The following DSCAM variants were observed in gnomAD, a reference collection of about 807,000 sequenced individuals.
DSCAM encodes the protein DS cell adhesion molecule, also known as cell adhesion molecule DSCAM.
A neutral mutation model predicts 217.7 loss-of-function variants in DSCAM; 47 were observed. The observed-to-expected ratio is 0.22, with a 90% CI of 0.17 to 0.28. The LOEUF (loss-of-function observed/expected upper bound fraction) is 0.28, where lower values mean the gene tolerates loss of function less well. Ranked by LOEUF, DSCAM falls within the 10% of genes least tolerant of loss-of-function variation. The probability of loss-of-function intolerance (pLI) is 1.00; values close to 1 mark genes in which losing one functional copy is unlikely to be tolerated. For synonymous variants in DSCAM, 1,056 were observed against 1,015.3 expected (o/e 1.04, Z -0.76); for missense variants, 2,080 against 2,618.3 (o/e 0.79, Z 4.49).
intron 4 of DSCAM, among the ~76,000 whole-genome samples, chr21:40,361,090 C>A (rs892050357): frequency 4.0e-5 from 6 of 151,654 alleles, no homozygotes; most frequent in Non-Finnish European, 7.4e-5. Flanking sequence ...TCATTTTCAT[C>A]CCCTTCAAAT....
chr21:40,805,959 C>T (rs1208043140), intron 1 of DSCAM, among the ~76,000 whole-genome samples: 3 of 152,104 alleles, frequency 2.0e-5, no homozygotes, highest in South Asian at 2.1e-4. Flanking sequence ...CTGCCCGCCT[C>T]GGCCTCCCAA....
intron 8 of DSCAM, among the ~76,000 whole-genome samples, chr21:40,320,231 G>A (rs1036577162): frequency 2.0e-5 from 3 of 152,062 alleles, no homozygotes; most frequent in Non-Finnish European, 2.9e-5. Context: ...CATTATGTCC[G>A]CTATAGTTAC....
intron 3 of DSCAM, among the ~76,000 whole-genome samples, chr21:40,654,455 C>T (rs966877220): frequency 2.0e-5 from 3 of 152,194 alleles, no homozygotes; most frequent in African/African-American, 7.2e-5. Flanking sequence ...ATTTTTACAG[C>T]TGCGGTAACA....
rs2089722347 is a variant in DSCAM, at chr21:40,633,799, T to A, written c.508+59011A>T. Among the ~76,000 whole-genome samples the A allele has an allele frequency of 2.0e-5, 3 of 152,162 alleles. No individual in the cohort carries two copies. In the South Asian group the frequency reaches 6.2e-4, roughly 32 times the overall value. On this transcript the variant is annotated intron_variant, in intron 3 of 32. Transcript: ENST00000400454. ...AATTTTGAGAGCGTGTTCAATGGTG[T>A]AAGATGCTTGGATGTGTGTAACTTG...
chr21:40,342,470 T>C (rs1052682428), intron 6 of DSCAM, among the ~76,000 whole-genome samples: 1 of 151,754 alleles, frequency 6.6e-6, no homozygotes, highest in East Asian at 1.9e-4. Flanking sequence ...TTATACTTTA[T>C]ATTCAATTCT....
At chr21:40,441,251 C>T (rs146073364) in intron 3 of DSCAM, among the ~76,000 whole-genome samples, 167 of 152,260 alleles carry the variant, frequency 1.1e-3, no homozygotes, top group African/African-American at 3.9e-3. Context: ...AAGACAGAGC[C>T]TTGTTGTTTA....
intron 1 of DSCAM, among the ~76,000 whole-genome samples, chr21:40,804,539 C>G (rs937594252): frequency 1.3e-5 from 2 of 152,106 alleles, no homozygotes; most frequent in African/African-American, 4.8e-5. Context: ...TCCCAGCACA[C>G]CTTCCTGGAG....
At chr21:40,680,822 C>T (rs1241528716) in intron 3 of DSCAM, among the ~76,000 whole-genome samples, 2 of 152,070 alleles carry the variant, frequency 1.3e-5, no homozygotes, top group Non-Finnish European at 1.5e-5. Flanking sequence ...GTTTCAACCA[C>T]AGGTGACGAT....
chr21:40,198,347 G>T (rs73904738), intron 11 of DSCAM, among the ~76,000 whole-genome samples: 8,782 of 152,052 alleles, frequency 0.058, 583 homozygotes, highest in African/African-American at 0.17. Flanking sequence ...TGGTGATACT[G>T]GCTGGTCAAG....
At chr21:40,489,198 C>T (rs1015822027) in intron 3 of DSCAM, among the ~76,000 whole-genome samples, 2 of 152,218 alleles carry the variant, frequency 1.3e-5, no homozygotes, top group Non-Finnish European at 2.9e-5. Context: ...AGTCAGTGGA[C>T]TCTGAGCAAA....
intron 1 of DSCAM, among the ~76,000 whole-genome samples, chr21:40,720,597 T>C (rs1472147124): frequency 2.0e-5 from 3 of 151,726 alleles, no homozygotes; most frequent in Admixed American, 6.6e-5. Context: ...TCTCTGTCCA[T>C]CATAAAACAA....
intron 2 of DSCAM, among the ~76,000 whole-genome samples, chr21:40,698,263 C>T (rs569167828): frequency 1.3e-5 from 2 of 152,236 alleles, no homozygotes; most frequent in East Asian, 3.9e-4. Flanking sequence ...TGGCAGCCAG[C>T]CTGCAGATGT....
At chr21:40,133,255 T>C (rs932398334) in intron 19 of DSCAM, among the ~76,000 whole-genome samples, 3 of 152,204 alleles carry the variant, frequency 2.0e-5, no homozygotes, top group Admixed American at 6.5e-5. Context: ...GTTTGGGTAA[T>C]AGTCACAACC....
intron 10 of DSCAM, among the ~76,000 whole-genome samples, chr21:40,277,170 T>C (rs717416): frequency 0.35 from 53,587 of 151,688 alleles, 9,793 homozygotes; most frequent in Admixed American, 0.41. Context: ...ATCTGGGGAC[T>C]TGAGGGGAAA....
intron 11 of DSCAM, among the ~76,000 whole-genome samples, chr21:40,210,642 T>G (rs142908357): frequency 0.013 from 2,030 of 152,344 alleles, 43 homozygotes; most frequent in African/African-American, 0.045. Context: ...CCTCCCAAGT[T>G]CAAATGATTC....
intron 20 of DSCAM, among the ~76,000 whole-genome samples, chr21:40,106,236 A>G (rs1169746408): frequency 1.3e-5 from 2 of 152,306 alleles, no homozygotes; most frequent in South Asian, 2.1e-4. Context: ...ATCCGCCCCC[A>G]TGATTCAATT....
intron 3 of DSCAM, among the ~76,000 whole-genome samples, chr21:40,419,584 C>T: frequency 6.6e-6 from 1 of 152,162 alleles, no homozygotes. Flanking sequence ...GAAAGAGATT[C>T]ACCCAGATTC....
chr21:40,383,418 T>C (rs1157477685), intron 3 of DSCAM: 1 of 152,258 alleles, frequency 6.6e-6, no homozygotes, highest in Admixed American at 6.5e-5. Flanking sequence ...GGTATGCAGC[T>C]GATAAGACGC....
intron 3 of DSCAM, among the ~76,000 whole-genome samples, chr21:40,637,840 T>G (rs1487748038): frequency 1.3e-5 from 2 of 150,636 alleles, no homozygotes; most frequent in Admixed American, 6.7e-5. Flanking sequence ...GCCTGGCTAA[T>G]TTTTGTAGTT....
Sources: gnomAD v4.1 joint callset for allele counts (sites outside exome capture counted in the v4.1 genomes callset) on GRCh38, gnomAD v4.1.1 for gene constraint, MANE v1.5 for transcripts, NCBI Gene and HGNC (gene_info 2026-07-23, HGNC 2026-07-21) for gene names.